Variants in SLC2A13 observed in about 807,000 individuals in gnomAD.
SLC2A13 encodes the protein proton myo-inositol cotransporter.
SLC2A13 carries 32 observed loss-of-function variants against 64.4 expected under a neutral mutation model. The ratio of observed to expected loss-of-function variants is 0.50; its 90% confidence interval spans 0.37 to 0.67. The LOEUF is 0.67. Among genes scored for constraint, SLC2A13 ranks in the 30% least tolerant of loss-of-function variants. SLC2A13 has a pLI of 0.00. For missense variants in SLC2A13, 743 were observed against 829.2 expected, an observed-to-expected ratio of 0.90 and a Z score of 1.28; for synonymous variants, 338 against 327.1, an observed-to-expected ratio of 1.03 and a Z score of -0.36.
At chr12:39,885,141 C>T (rs1421433779) in intron 4 of SLC2A13, among the ~76,000 whole-genome samples, 1 of 152,168 alleles carries the variant, frequency 6.6e-6, no homozygotes, top group Non-Finnish European at 1.5e-5. Flanking sequence ...CTGTGCACTG[C>T]AGCTCATGAG....
At chr12:39,931,787 T>G (rs1374511606) in intron 4 of SLC2A13, among the ~76,000 whole-genome samples, 1 of 151,888 alleles carries the variant, frequency 6.6e-6, no homozygotes, top group African/African-American at 2.4e-5. Flanking sequence ...AAAAATACCC[T>G]CCCACAAAAC....
At chr12:39,792,797 T>C (rs1433108725) in intron 7 of SLC2A13, among the ~76,000 whole-genome samples, 2 of 30,796 alleles carry the variant, frequency 6.5e-5, no homozygotes, top group Non-Finnish European at 1.5e-4. Context: ...GCTGGCTGTA[T>C]TTAATGAAAA....
chr12:39,905,475 A>T (rs1300226864), intron 4 of SLC2A13, among the ~76,000 whole-genome samples: 2 of 152,140 alleles, frequency 1.3e-5, no homozygotes, highest in Non-Finnish European at 2.9e-5. Context: ...TTAAGTTTCT[A>T]GAAGAGTTGC....
intron 3 of SLC2A13, among the ~76,000 whole-genome samples, chr12:39,990,390 G>A (rs1947113419): frequency 6.6e-6 from 1 of 152,170 alleles, no homozygotes; most frequent in African/African-American, 2.4e-5. Context: ...CATGGGGAGT[G>A]TGGACTTTAA....
intron 5 of SLC2A13, among the ~76,000 whole-genome samples, chr12:39,868,224 A>G (rs1943956387): frequency 6.6e-6 from 1 of 152,206 alleles, no homozygotes; most frequent in Non-Finnish European, 1.5e-5. Context: ...ATGTTTCAAG[A>G]GAAGAGTCTC....
intron 3 of SLC2A13, among the ~76,000 whole-genome samples, chr12:39,980,450 A>G (rs1334927104): frequency 6.6e-6 from 1 of 151,260 alleles, no homozygotes; most frequent in Non-Finnish European, 1.5e-5. Flanking sequence ...AGAGACACAC[A>G]TAGGCTCAAA....
At chr12:39,778,452 G>C (rs1184410843) in intron 7 of SLC2A13, among the ~76,000 whole-genome samples, 2 of 151,376 alleles carry the variant, frequency 1.3e-5, no homozygotes, top group African/African-American at 4.9e-5. Context: ...ATATCACAGG[G>C]ACGAAGTTAG....
intron 3 of SLC2A13, among the ~76,000 whole-genome samples, chr12:39,994,513 C>A (rs1947195289): frequency 6.6e-6 from 1 of 151,854 alleles, no homozygotes; most frequent in African/African-American, 2.4e-5. Flanking sequence ...CATATCACTA[C>A]CACCATAATA....
intron 1 of SLC2A13, among the ~76,000 whole-genome samples, chr12:40,059,809 T>A (rs1948388840): frequency 6.6e-6 from 1 of 152,166 alleles, no homozygotes; most frequent in African/African-American, 2.4e-5. Flanking sequence ...CCTGTTAGAT[T>A]CTTCTTGACC....
chr12:40,087,042 T>C lies in SLC2A13; in HGVS notation c.556+18211A>G, dbSNP rs575956945. Among the ~76,000 whole-genome samples the C allele has an allele frequency of 2.6e-5, 4 of 152,290 alleles. No individual in the cohort carries two copies. In the South Asian group the frequency reaches 6.2e-4, roughly 24 times the overall value. ...GGACAAAATGTACCCAGTCCTCAGA[T>C]TGATTTCCTCTAATCTCAGGCCGTT... On this transcript the variant is annotated intron_variant, in intron 1 of 9. Transcript: ENST00000280871.
At chr12:39,813,182 TA>T (rs1942242648) in intron 7 of SLC2A13, among the ~76,000 whole-genome samples, 1 of 151,754 alleles carries the variant, frequency 6.6e-6, no homozygotes, top group Admixed American at 6.6e-5. Context: ...AAACTTCTTT[TA>T]TTGGATTAAT....
intron 1 of SLC2A13, among the ~76,000 whole-genome samples, chr12:40,067,975 C>T (rs144443067): frequency 8.5e-4 from 129 of 152,234 alleles, no homozygotes; most frequent in African/African-American, 2.9e-3. Flanking sequence ...GCAATCTTGA[C>T]TCACTGCAGC....
intron 7 of SLC2A13, among the ~76,000 whole-genome samples, chr12:39,825,289 G>A (rs932640767): frequency 6.6e-6 from 1 of 152,094 alleles, no homozygotes; most frequent in African/African-American, 2.4e-5. Context: ...AGGTAGGGAG[G>A]CGGATAAATA....
chr12:39,976,543 A>G (rs756291818), intron 3 of SLC2A13, among the ~76,000 whole-genome samples: 1 of 152,124 alleles, frequency 6.6e-6, no homozygotes, highest in Non-Finnish European at 1.5e-5. Flanking sequence ...ACTTGTAACA[A>G]TGTTTTAATT....
At chr12:39,864,652 C>G in intron 6 of SLC2A13, 110 bp downstream of exon 6, 1 of 1,420,624 alleles carries the variant, frequency 7.0e-7, no homozygotes, top group African/African-American at 1.4e-5. Context: ...CTTACATAAG[C>G]CTGGATGCCC....
intron 4 of SLC2A13, among the ~76,000 whole-genome samples, chr12:39,903,083 T>C (rs1160880872): frequency 2.0e-5 from 3 of 152,124 alleles, no homozygotes; most frequent in African/African-American, 7.2e-5. Flanking sequence ...AACATCGTAA[T>C]AATGAGTCCA....
intron 1 of SLC2A13, among the ~76,000 whole-genome samples, chr12:40,093,069 G>C (rs1300367166): frequency 6.6e-6 from 1 of 152,212 alleles, no homozygotes; most frequent in Non-Finnish European, 1.5e-5. Context: ...TTGAGAGTCT[G>C]TCAGATCATT....
intron 3 of SLC2A13, among the ~76,000 whole-genome samples, chr12:40,006,419 A>C (rs1292943146): frequency 6.6e-6 from 1 of 152,178 alleles, no homozygotes; most frequent in African/African-American, 2.4e-5. Flanking sequence ...ATGAATCTCT[A>C]TCAAAGAGAT....
intron 7 of SLC2A13, among the ~76,000 whole-genome samples, chr12:39,824,700 C>G (rs1345933077): frequency 1.3e-5 from 2 of 152,112 alleles, no homozygotes; most frequent in Non-Finnish European, 2.9e-5. Context: ...GGACTTACAG[C>G]TATCATTCAT....
Sources: allele counts gnomAD v4.1 joint callset (sites outside exome capture counted in the v4.1 genomes callset), GRCh38; gene constraint gnomAD v4.1.1; transcripts MANE v1.5; gene names NCBI Gene and HGNC (gene_info 2026-07-23, HGNC 2026-07-21).